Variants in SLC26A11 observed in about 807,000 individuals in gnomAD.
SLC26A11 encodes the protein solute carrier family 26 member 11.
SLC26A11 carries 58 observed loss-of-function variants against 62.2 expected under a neutral mutation model. The observed-to-expected ratio is 0.93, with a 90% CI of 0.76 to 1.16. The LOEUF (loss-of-function observed/expected upper bound fraction) is 1.16, where lower values mean the gene tolerates loss of function less well. SLC26A11 is among the 50% of genes most tolerant of loss of function. The pLI, the probability that SLC26A11 is intolerant of heterozygous loss-of-function variation, is 0.00. For synonymous variants in SLC26A11, 411 were observed against 368.9 expected (o/e 1.11, Z -1.31); for missense variants, 790 against 794.3 (o/e 0.99, Z 0.06).
rs370139494 is a variant in SLC26A11 at position 80,239,590 on chromosome 17, C to G, written c.985+1996C>G. ...ATTTTTAGTAGAGACGGGGTTTCAC[C>G]GTGGTCTCGATCTCCTGACCTCGTG... On this transcript the variant is annotated intron_variant, in intron 9 of 17. Transcript: ENST00000361193. Among the ~76,000 whole-genome samples, 74 of 151,312 alleles carry G rather than the reference C, an allele frequency of 4.9e-4. 2 individuals carry two copies. In the East Asian group the frequency reaches 0.013, roughly 27 times the overall value.
chr17:80,238,822 T>TTTG (rs1567958670), intron 9 of SLC26A11, among the ~76,000 whole-genome samples: 15 of 136,320 alleles, frequency 1.1e-4, no homozygotes, highest in African/African-American at 4.4e-4. Flanking sequence ...TTTTTTTTGT[T>TTTG]TTTTGTTTTT....
chr17:80,221,607 C>T lies in SLC26A11; in HGVS notation c.47C>T (p.Pro16Leu). The T allele has an allele frequency of 6.2e-7, 1 of 1,607,636 alleles. No homozygotes were observed. ...CTGGGTCAGGCCAGGTCCTCTGGCC[C>T]CGGGATGGCCCCGAGCGCCTGCTGC... ...TALGQARSSG[P>L]GMAPSACCCS... Residue 16 changes from proline (P) to leucine (L), a missense_variant, in exon 3 of 18, where the codon CCC (proline) becomes CTC (leucine). Physicochemically the swap from Pro to Leu is moderately conservative, Grantham distance 98. Coordinates refer to ENST00000361193, the MANE Select transcript of SLC26A11 (RefSeq NM_001166347.2).
At chr17:80,224,352 TGGG>T (rs2042327985) in intron 5 of SLC26A11, among the ~76,000 whole-genome samples, 1 of 132,468 alleles carries the variant, frequency 7.5e-6, no homozygotes, top group African/African-American at 2.9e-5. Flanking sequence ...AGAGTGGGTG[TGGG>T]TGTGAGGGAG....
intron 7 of SLC26A11, among the ~76,000 whole-genome samples, chr17:80,230,989 G>A (rs1402326750): frequency 1.3e-5 from 2 of 152,072 alleles, no homozygotes; most frequent in African/African-American, 2.4e-5. Context: ...TTTTCTGAAT[G>A]GTCTGTCTAG....
rs993082166 is a variant in SLC26A11, at chr17:80,253,472, T to C, written c.*756T>C. 6.6e-6 allele frequency: 1 copy of C among 152,322 alleles called. No homozygotes were observed. 9.4% of individuals were successfully genotyped at this position (152,322 alleles called of 1,614,324 possible). A position where few individuals can be genotyped will look rare whatever the true frequency, so the allele number is the denominator to read the frequency against. ...GCAGTCATTTGCAGTGAATTATTTA[T>C]TGTGATAATAAATAGCATTAGAATA... On this transcript the variant is annotated 3_prime_UTR_variant, in exon 18 of 18. Transcript: ENST00000361193.
intron 7 of SLC26A11, chr17:80,236,670 C>T (rs1232133002): frequency 2.3e-6 from 1 of 443,262 alleles, no homozygotes; most frequent in Non-Finnish European, 4.1e-6. Flanking sequence ...CCGCGGTGCA[C>T]GATGTCCAGT....
chr17:80,237,690 A>G, intron 9 of SLC26A11, 96 bp downstream of exon 9: 1 of 1,174,068 alleles, frequency 8.5e-7, no homozygotes, highest in Non-Finnish European at 1.2e-6. Context: ...TACTAGTTTT[A>G]GAAATTTGAA....
intron 7 of SLC26A11, among the ~76,000 whole-genome samples, chr17:80,229,851 G>T (rs1332803078): frequency 2.0e-5 from 3 of 152,184 alleles, no homozygotes; most frequent in Non-Finnish European, 1.5e-5. Context: ...CCAGATCTCC[G>T]AATCAGGATC....
At chr17:80,221,826 C>T in intron 3 of SLC26A11, 32 bp downstream of exon 3, 2 of 1,586,478 alleles carry the variant, frequency 1.3e-6, no homozygotes, top group East Asian at 2.2e-5. Context: ...CCAGCCATAT[C>T]TCAGAAACAG....
chr17:80,236,711 CACCT>C (rs2042702949), intron 7 of SLC26A11: 1 of 519,688 alleles, frequency 1.9e-6, no homozygotes, highest in African/African-American at 1.9e-5. Flanking sequence ...GTGGCATGTG[CACCT>C]GTCCGCAGCC....
rs530931634 is a variant in SLC26A11, at chr17:80,223,940, G to T, written c.513+603G>T. On this transcript the variant is annotated intron_variant, in intron 5 of 17. Transcript: ENST00000361193. This position sits in a 1 kb window ranked among gnomAD's most constrained non-coding sequence, Gnocchi z 4.6. The stretch of plus-strand genomic sequence containing the variant: ...AACTGTCCTTCTCCCAGCCATGGCC[G>T]CCCAGCATTGGGCTGGTGCAGTAGG... Among the ~76,000 whole-genome samples, 1 of 152,172 alleles carries T rather than the reference G, an allele frequency of 6.6e-6. No homozygotes were observed. Among genetic ancestry groups the T allele is most frequent in the Non-Finnish European group, 1.5e-5 (1 of 68,036 alleles).
rs117704974 is a variant in SLC26A11 at position 80,249,297 on chromosome 17, C to T, written c.1656+10C>T. On this transcript the variant is annotated intron_variant, in intron 16 of 17. Coordinates refer to ENST00000361193, the MANE Select transcript of SLC26A11 (RefSeq NM_001166347.2). ...CTTTGTGGGCCTGCAGGTGGGTGTG[C>T]ACTGGGCTGCCTTAGGGGTTAGCAG... The T allele has an allele frequency of 0.022, 35,933 of 1,608,972 alleles. 450 individuals carry two copies. The highest frequency in any genetic ancestry group is 0.03 in the Middle Eastern group (156 of 5,160).
chr17:80,236,747 G>A, intron 7 of SLC26A11, 181 bp from the exon 8 acceptor site: 1 of 666,760 alleles, frequency 1.5e-6, no homozygotes, highest in East Asian at 2.6e-5. Flanking sequence ...CGTCCCACCT[G>A]CTTATGCTGC....
rs2144950413 is a variant in SLC26A11 at position 80,241,776 on chromosome 17, C to A, written c.991C>A (p.Gln331Lys). The A allele has an allele frequency of 6.2e-7, 1 of 1,614,166 alleles. No individual in the cohort carries two copies. The highest frequency in any genetic ancestry group is 1.3e-5 in the African/African-American group (1 of 75,050). Reference sequence around the variant, plus strand: ...TTACCGTTGGTTCCCTTTAGCATCTCAGAATAATTACCGCATCGATGCCAA... The same window carrying A: ...TTACCGTTGGTTCCCTTTAGCATCTAAGAATAATTACCGCATCGATGCCAA... ...SIAVAKAFASQNNYRIDANQE... is the reference protein window; with the variant it reads ...SIAVAKAFASKNNYRIDANQE... Residue 331 changes from glutamine (Q) to lysine (K), a missense_variant, in exon 10 of 18, where the codon CAG becomes AAG. Physicochemically the swap from Gln to Lys is moderately conservative, Grantham distance 53. Transcript: ENST00000361193.
Position 80,238,811 on chromosome 17 carries a change from G to GTTTTTTTT in SLC26A11, c.985+1218_985+1225dup, listed in dbSNP as rs1276063968. 6.8e-4 allele frequency among the ~76,000 whole-genome samples: 84 copies of GTTTTTTTT among 123,244 alleles called. 6 individuals carry two copies. Among genetic ancestry groups the GTTTTTTTT allele is most frequent in the African/African-American group, 2.6e-3 (77 of 29,214 alleles). 80.9% of individuals were successfully genotyped at this position (123,244 alleles called of 152,430 possible). ...TCTAACCCTTACCCCCTTCAAAGGA[G>GTTTTTTTT]TTTTTTTTGTTTTTTGTTTTTTTTT... On this transcript the variant is annotated intron_variant, in intron 9 of 17. Coordinates refer to ENST00000361193, the MANE Select transcript of SLC26A11 (RefSeq NM_001166347.2).
rs1386140049 is a variant in SLC26A11 at position 80,221,736 on chromosome 17, G to A, written c.176G>A (p.Gly59Asp). The A allele has an allele frequency of 1.2e-6, 2 of 1,613,596 alleles. No individual in the cohort carries two copies. Among genetic ancestry groups the A allele is most frequent in the Admixed American group, 1.7e-5 (1 of 60,028 alleles). Reference sequence around the variant, plus strand: ...GATTTCGTCGCCGGCCTCTCAGTTGGCCTCACTGCCATTCCCCAGGCGCTG... The same window carrying A: ...GATTTCGTCGCCGGCCTCTCAGTTGACCTCACTGCCATTCCCCAGGCGCTG... ...KMDFVAGLSVGLTAIPQALAY... is the reference protein window; with the variant it reads ...KMDFVAGLSVDLTAIPQALAY... Residue 59 changes from glycine (G) to aspartate (D), a missense_variant, in exon 3 of 18, where the codon GGC (glycine) becomes GAC (aspartate). By Grantham distance (94) the Gly-to-Asp change is moderately conservative. Coordinates refer to ENST00000361193, the MANE Select transcript of SLC26A11 (RefSeq NM_001166347.2).
At chr17:80,243,298 C>T (rs12949090) in intron 10 of SLC26A11, among the ~76,000 whole-genome samples, 32,978 of 152,076 alleles carry the variant, frequency 0.22, 4,347 homozygotes, top group East Asian at 0.35. Flanking sequence ...GGGAATCACG[C>T]ACTTTCAGGC....
intron 13 of SLC26A11, among the ~76,000 whole-genome samples, chr17:80,247,262 A>C (rs1218974986): frequency 2.0e-5 from 3 of 151,818 alleles, no homozygotes; most frequent in Non-Finnish European, 4.4e-5. Flanking sequence ...AGACACGGCA[A>C]CCATCCGATT....
In SLC26A11 at chr17:80,223,153, A is replaced by G; in HGVS notation, c.428-99A>G. The G allele has an allele frequency of 1.8e-6, 2 of 1,133,876 alleles. No individual in the cohort carries two copies. Among genetic ancestry groups the G allele is most frequent in the South Asian group, 2.6e-5 (2 of 77,488 alleles). 70.2% of individuals were successfully genotyped at this position (1,133,876 alleles called of 1,614,324 possible). A position where few individuals can be genotyped will look rare whatever the true frequency, so the allele number is the denominator to read the frequency against. ...TCCTTAGCTGCGGTATCTGCTCCCC[A>G]ATCCCACCCATTGCCACCTTCCCCA... On this transcript the variant is annotated intron_variant, in intron 4 of 17. Transcript: ENST00000361193. The surrounding 1 kb of genome is among the most constrained non-coding windows in gnomAD (Gnocchi z 4.6).
Sources: allele counts gnomAD v4.1 joint callset (sites outside exome capture counted in the v4.1 genomes callset), GRCh38; gene constraint gnomAD v4.1.1; non-coding constraint Gnocchi (gnomAD v3.1); transcripts MANE v1.5; gene names NCBI Gene and HGNC (gene_info 2026-07-23, HGNC 2026-07-21).